Variants in DENND2B observed in about 807,000 individuals in gnomAD.
DENND2B encodes the protein DENN domain containing 2B.
In DENND2B, 32 loss-of-function variants were observed where a neutral mutation model predicts 116.0. That is an observed-to-expected ratio of 0.28 (90% CI 0.21 to 0.37). The LOEUF (loss-of-function observed/expected upper bound fraction) is 0.37, where lower values mean the gene tolerates loss of function less well. DENND2B is among the 10% of genes least tolerant of loss of function. The probability of loss-of-function intolerance (pLI) is 1.00; values close to 1 mark genes in which losing one functional copy is unlikely to be tolerated. For missense variants in DENND2B, 1,276 were observed against 1,477.7 expected, an observed-to-expected ratio of 0.86 and a Z score of 2.24; for synonymous variants, 588 against 583.9, an observed-to-expected ratio of 1.01 and a Z score of -0.10.
chr11:8,894,730 A>T (rs865981471), intron 1 of DENND2B, among the ~76,000 whole-genome samples: 10 of 152,168 alleles, frequency 6.6e-5, no homozygotes, highest in African/African-American at 2.4e-4. Flanking sequence ...AATGGCGGTC[A>T]TTAAAAAGTC....
chr11:8,705,454 G>T (rs544664625), intron 13 of DENND2B, among the ~76,000 whole-genome samples: 9 of 152,078 alleles, frequency 5.9e-5, no homozygotes, highest in African/African-American at 2.2e-4. Context: ...CTCCTGAGCC[G>T]CAGCCCTCTC....
At chr11:8,823,121 A>G (rs1017354574) in intron 4 of DENND2B, among the ~76,000 whole-genome samples, 4 of 152,138 alleles carry the variant, frequency 2.6e-5, no homozygotes, top group African/African-American at 9.7e-5. Flanking sequence ...AGTAATATCC[A>G]TACATATTTA....
chr11:8,848,487 T>C (rs995154695), intron 3 of DENND2B, among the ~76,000 whole-genome samples: 7 of 152,148 alleles, frequency 4.6e-5, no homozygotes, highest in South Asian at 2.1e-4. Context: ...CCAGACAACA[T>C]TGAGACAACT....
chr11:8,771,543 G>GAT, intron 1 of DENND2B: 1 of 149,148 alleles, frequency 6.7e-6, no homozygotes, highest in Admixed American at 6.7e-5. Flanking sequence ...GAGAGAGAGA[G>GAT]AGAGAGAGAG....
rs1315965982 is a variant in DENND2B, at chr11:8,707,324, G to C, written c.2431-99C>G. 6.8e-7 allele frequency: 1 copy of C among 1,472,146 alleles called. No homozygotes were observed. Among genetic ancestry groups the C allele is most frequent in the African/African-American group, 1.4e-5 (1 of 70,960 alleles). 91.2% of individuals were successfully genotyped at this position (1,472,146 alleles called of 1,614,324 possible). A position where few individuals can be genotyped will look rare whatever the true frequency, so the allele number is the denominator to read the frequency against. On this transcript the variant is annotated intron_variant, in intron 12 of 19. Transcript: ENST00000313726. The surrounding 1 kb of genome is among the most constrained non-coding windows in gnomAD (Gnocchi z 4.8). ...GGCAGCCAAGCATCTGACCAGGCTA[G>C]CCCAGAAGCTGGGAGACGGGAAGGT...
chr11:8,730,223 C>T lies in DENND2B; in HGVS notation c.1067G>A (p.Gly356Asp). ...GEAGPPPERE[G>D]SGSTKPGTPG... is the part of the protein sequence containing the mutation. ...GGTCCCGGGCTTAGTGGAACCACTGCCTTCCCTCTCTGGGGGTGGGCCCGC... is the reference window on the plus strand; with the variant it reads ...GGTCCCGGGCTTAGTGGAACCACTGTCTTCCCTCTCTGGGGGTGGGCCCGC... Residue 356 changes from glycine (G) to aspartate (D), a missense_variant, in exon 3 of 20, where the codon GGC becomes GAC. Transcript: ENST00000313726. This position sits in a 1 kb window ranked among gnomAD's most constrained non-coding sequence, Gnocchi z 4.1. The T allele has an allele frequency of 1.2e-6, 2 of 1,612,940 alleles. No individual in the cohort carries two copies. The highest frequency in any genetic ancestry group is 4.5e-5 in the East Asian group (2 of 44,884).
chr11:8,802,496 G>C (rs1442407155), intron 1 of DENND2B, among the ~76,000 whole-genome samples: 1 of 152,104 alleles, frequency 6.6e-6, no homozygotes. Flanking sequence ...CCAGGGCACG[G>C]ACAAGTAACT....
chr11:8,882,454 G>A (rs2134729525), intron 1 of DENND2B, among the ~76,000 whole-genome samples: 1 of 152,270 alleles, frequency 6.6e-6, no homozygotes, highest in South Asian at 2.1e-4. Context: ...GCCAGATTGT[G>A]AGCCTCTTGA....
chr11:8,754,029 G>GCGCGCGCGCACACACACACACA (rs146486674), intron 1 of DENND2B, among the ~76,000 whole-genome samples: 3 of 138,734 alleles, frequency 2.2e-5, no homozygotes, highest in African/African-American at 8.2e-5. Context: ...CCAAAAGCGC[G>GCGCGCGCGCACACACACACACA]CACACACACA....
intron 3 of DENND2B, among the ~76,000 whole-genome samples, chr11:8,841,666 G>A (rs2062627866): frequency 6.6e-6 from 1 of 152,042 alleles, no homozygotes; most frequent in African/African-American, 2.4e-5. Flanking sequence ...AAAGAAAAAC[G>A]TGTTTTGTAA....
At chr11:8,781,017 AGGGAAG>A (rs1049243712) in intron 1 of DENND2B, among the ~76,000 whole-genome samples, 2 of 152,140 alleles carry the variant, frequency 1.3e-5, no homozygotes, top group African/African-American at 4.8e-5. Context: ...ACAGGAGACC[AGGGAAG>A]GGAAGGGAAT....
At chr11:8,765,046 C>A (rs1303759652) in intron 1 of DENND2B, among the ~76,000 whole-genome samples, 1 of 151,810 alleles carries the variant, frequency 6.6e-6, no homozygotes, top group Non-Finnish European at 1.5e-5. Flanking sequence ...TTCTTTAAGC[C>A]ATCTAGTTCA....
intron 1 of DENND2B, among the ~76,000 whole-genome samples, chr11:8,793,314 G>A (rs915402445): frequency 1.3e-5 from 2 of 152,206 alleles, no homozygotes; most frequent in African/African-American, 4.8e-5. Flanking sequence ...CAGTAACTCC[G>A]CAATGATTAA....
At chr11:8,791,961 T>A (rs142783081) in intron 1 of DENND2B, among the ~76,000 whole-genome samples, 2 of 146,800 alleles carry the variant, frequency 1.4e-5, no homozygotes, top group South Asian at 4.5e-4. Flanking sequence ...TCCCAGCACT[T>A]TGGGAGGCCA....
At chr11:8,890,961 G>A (rs2064024436) in intron 1 of DENND2B, among the ~76,000 whole-genome samples, 1 of 152,156 alleles carries the variant, frequency 6.6e-6, no homozygotes, top group Non-Finnish European at 1.5e-5. Flanking sequence ...AAGTTGAAAT[G>A]AAGGAAAAAA....
intron 3 of DENND2B, among the ~76,000 whole-genome samples, chr11:8,856,495 C>G (rs1002460034): frequency 2.6e-5 from 4 of 152,160 alleles, no homozygotes; most frequent in African/African-American, 9.7e-5. Flanking sequence ...TGTGGACTAC[C>G]TGAATGGGCC....
intron 1 of DENND2B, among the ~76,000 whole-genome samples, chr11:8,801,995 GAAAA>G (rs35017643): frequency 1.7e-5 from 1 of 58,910 alleles, no homozygotes. Flanking sequence ...CTCTCTTGGG[GAAAA>G]AAAAAAAAAA....
intron 2 of DENND2B, among the ~76,000 whole-genome samples, chr11:8,733,698 G>T (rs2048486058): frequency 6.6e-6 from 1 of 152,308 alleles, no homozygotes; most frequent in South Asian, 2.1e-4. Flanking sequence ...GTAGTGTGGG[G>T]CATGGCTCCT....
At chr11:8,842,949 T>C (rs950814443) in intron 3 of DENND2B, among the ~76,000 whole-genome samples, 6 of 152,106 alleles carry the variant, frequency 3.9e-5, no homozygotes, top group African/African-American at 1.4e-4. Flanking sequence ...AATTCAAAAA[T>C]CAGGACAAAA....
Sources: allele counts gnomAD v4.1 joint callset (sites outside exome capture counted in the v4.1 genomes callset), GRCh38; gene constraint gnomAD v4.1.1; non-coding constraint Gnocchi (gnomAD v3.1); transcripts MANE v1.5; gene names NCBI Gene and HGNC (gene_info 2026-07-23, HGNC 2026-07-21).